The following PDE1C variants were observed in gnomAD, a reference collection of about 807,000 sequenced individuals.
PDE1C encodes the protein phosphodiesterase 1C.
Under a neutral mutation model 93.1 loss-of-function variants are expected in PDE1C, and 62 were observed. The ratio of observed to expected loss-of-function variants is 0.67; its 90% CI spans 0.54 to 0.82. The LOEUF (loss-of-function observed/expected upper bound fraction) is 0.82, where lower values mean the gene tolerates loss of function less well. Among genes scored for constraint, PDE1C ranks in the 40% least tolerant of loss-of-function variants. PDE1C has a pLI of 0.00. For synonymous variants in PDE1C, 325 were observed against 310.1 expected, an observed-to-expected ratio of 1.05 and a Z score of -0.50; for missense variants, 742 against 884.6, an observed-to-expected ratio of 0.84 and a Z score of 2.04.
intron 1 of PDE1C, among the ~76,000 whole-genome samples, chr7:32,057,554 G>T (rs573794499): frequency 1.3e-5 from 2 of 152,290 alleles, no homozygotes; most frequent in South Asian, 2.1e-4. Context: ...TATTTAAATA[G>T]GTTCCCCAAA....
chr7:31,901,693 T>C (rs948448559), intron 2 of PDE1C, among the ~76,000 whole-genome samples: 7 of 151,556 alleles, frequency 4.6e-5, no homozygotes, highest in Admixed American at 3.9e-4. Context: ...GAAGTAATTT[T>C]ATGTCTTGTC....
chr7:31,890,455 T>C (rs566640640), intron 2 of PDE1C, among the ~76,000 whole-genome samples: 54 of 152,318 alleles, frequency 3.5e-4, no homozygotes, highest in African/African-American at 1.3e-3. Context: ...TTGCAACCCA[T>C]GCCTAGACAC....
intron 17 of PDE1C, among the ~76,000 whole-genome samples, chr7:31,773,542 C>A (rs1417180966): frequency 1.3e-5 from 2 of 151,794 alleles, no homozygotes; most frequent in Non-Finnish European, 2.9e-5. Flanking sequence ...CTCTGTAGTC[C>A]CAAGAGCATA....
intron 5 of PDE1C, among the ~76,000 whole-genome samples, chr7:31,877,404 T>C (rs1451324049): frequency 6.6e-6 from 1 of 152,068 alleles, no homozygotes; most frequent in Non-Finnish European, 1.5e-5. Flanking sequence ...GTGAGAGTCT[T>C]TGGAAAACAA....
chr7:31,743,320 C>T, the PDE1C span, among the ~76,000 whole-genome samples: 1 of 152,148 alleles, frequency 6.6e-6, no homozygotes, highest in South Asian at 2.1e-4. Context: ...AACCATAACA[C>T]GGGCCTTCTT....
chr7:32,141,993 T>C (rs779796846), intron 3 of PDE1C, among the ~76,000 whole-genome samples: 4 of 152,196 alleles, frequency 2.6e-5, no homozygotes, highest in Non-Finnish European at 4.4e-5. Flanking sequence ...GGCCTTTTTT[T>C]AGTTTGTCCA....
At chr7:32,102,885 G>A (rs1379082344) in intron 3 of PDE1C, among the ~76,000 whole-genome samples, 7 of 152,128 alleles carry the variant, frequency 4.6e-5, no homozygotes, top group Admixed American at 1.3e-4. Flanking sequence ...CCTTGGCCTC[G>A]GTGGCATTGC....
intron 7 of PDE1C, among the ~76,000 whole-genome samples, chr7:31,861,728 A>C (rs1459348002): frequency 6.6e-6 from 1 of 152,158 alleles, no homozygotes; most frequent in African/African-American, 2.4e-5. Context: ...TTCCTAGTCC[A>C]AACTATCAGC....
chr7:32,111,661 T>C (rs894682392), intron 3 of PDE1C, among the ~76,000 whole-genome samples: 26 of 152,116 alleles, frequency 1.7e-4, no homozygotes, highest in Non-Finnish European at 2.6e-4. Flanking sequence ...AGACAGCAGC[T>C]AGAACTAAGT....
the PDE1C span, among the ~76,000 whole-genome samples, chr7:31,645,312 T>C: frequency 6.6e-6 from 1 of 152,218 alleles, no homozygotes; most frequent in Non-Finnish European, 1.5e-5. Context: ...ATAAATGTGA[T>C]GTAAAGAGAG....
the PDE1C span, among the ~76,000 whole-genome samples, chr7:31,625,756 A>C: frequency 1.2e-4 from 18 of 152,140 alleles, no homozygotes; most frequent in Admixed American, 1.1e-3. Flanking sequence ...CATGTACCCT[A>C]AACTTAAAGT....
At chr7:32,417,414 C>G (rs981931144) in intron 1 of PDE1C, among the ~76,000 whole-genome samples, 2 of 152,070 alleles carry the variant, frequency 1.3e-5, no homozygotes, top group Non-Finnish European at 2.9e-5. Context: ...ACTCTGTGCC[C>G]AGCACCATGC....
the PDE1C span, among the ~76,000 whole-genome samples, chr7:31,741,790 A>G: frequency 6.6e-6 from 1 of 152,228 alleles, no homozygotes; most frequent in South Asian, 2.1e-4. Flanking sequence ...TATGACTGGC[A>G]TGAAAGGCAT....
chr7:32,304,138 C>T (rs1255590605), upstream of PDE1C, among the ~76,000 whole-genome samples: 1 of 152,162 alleles, frequency 6.6e-6, no homozygotes. Flanking sequence ...ATCTGCTAAT[C>T]TCCCGGGTCC....
chr7:31,988,512 A>G (rs966479027), intron 2 of PDE1C, among the ~76,000 whole-genome samples: 5 of 152,128 alleles, frequency 3.3e-5, no homozygotes, highest in African/African-American at 1.2e-4. Context: ...TTTTAACTGC[A>G]TATAGTTTCT....
intron 3 of PDE1C, among the ~76,000 whole-genome samples, chr7:32,085,802 AAC>A (rs1347084738): frequency 1.2e-3 from 182 of 151,510 alleles, no homozygotes; most frequent in African/African-American, 4.2e-3. Context: ...AAAATTCAAC[AAC>A]ATTTCATGCT....
At chr7:31,734,078 C>T in the PDE1C span, among the ~76,000 whole-genome samples, 84,889 of 151,786 alleles carry the variant, frequency 0.56, 25,629 homozygotes, top group Non-Finnish European at 0.67. Context: ...TACCCCTCCC[C>T]CACCACCAAA....
intron 1 of PDE1C, among the ~76,000 whole-genome samples, chr7:32,271,726 A>G (rs1320505039): frequency 6.6e-6 from 1 of 152,190 alleles, no homozygotes; most frequent in Non-Finnish European, 1.5e-5. Flanking sequence ...CAGGGCCTCC[A>G]CATTATGATA....
At chr7:32,323,298 C>T (rs1214630625) in intron 1 of PDE1C, among the ~76,000 whole-genome samples, 2 of 152,172 alleles carry the variant, frequency 1.3e-5, no homozygotes, top group Non-Finnish European at 2.9e-5. Flanking sequence ...AATACTCCCA[C>T]GATGGCAGAT....
Sources: gnomAD v4.1 joint callset for allele counts (sites outside exome capture counted in the v4.1 genomes callset) on GRCh38, gnomAD v4.1.1 for gene constraint, MANE v1.5 for transcripts, NCBI Gene and HGNC (gene_info 2026-07-23, HGNC 2026-07-21) for gene names.